NECAB3: variants seen among roughly 807,000 people sequenced by gnomAD.
NECAB3 encodes N-terminal EF-hand calcium-binding protein 3.
Under a neutral mutation model 57.2 loss-of-function variants are expected in NECAB3, and 38 were observed. The observed-to-expected ratio is 0.66, with a 90% CI of 0.51 to 0.87. The LOEUF (loss-of-function observed/expected upper bound fraction) is 0.87, where lower values mean the gene tolerates loss of function less well. NECAB3 is among the 40% of genes least tolerant of loss of function. The probability of loss-of-function intolerance (pLI) is 0.00; values close to 1 mark genes in which losing one functional copy is unlikely to be tolerated. For missense variants in NECAB3, 474 were observed against 527.5 expected, an observed-to-expected ratio of 0.90 and a Z score of 0.99; for synonymous variants, 223 against 222.6, an observed-to-expected ratio of 1.00 and a Z score of -0.02.
intron 8 of NECAB3, 35 bp from the exon 9 acceptor site, chr20:33,658,869 G>T (rs747438159): frequency 2.0e-6 from 3 of 1,520,936 alleles, no homozygotes; most frequent in Non-Finnish European, 9.1e-7. Flanking sequence ...CTGGTGCGGG[G>T]CCGGGCACAG....
Position 33,658,048 on chromosome 20 carries a change from G to A in NECAB3, c.1071-15C>T. On this transcript the variant is annotated splice_polypyrimidine_tract_variant and intron_variant, in intron 10 of 11. Transcript: ENST00000246190. ...ACTGCTGGTGCCTGCAGAGACCCAG[G>A]CTACAGTGACCTCGCTCTCCCCACT... The A allele has an allele frequency of 6.5e-7, 1 of 1,549,254 alleles. No individual in the cohort carries two copies. The highest frequency in any genetic ancestry group is 8.7e-7 in the Non-Finnish European group (1 of 1,146,292).
intron 10 of NECAB3, 28 bp downstream of exon 10, chr20:33,658,449 G>C (rs1485940148): frequency 1.2e-6 from 2 of 1,606,178 alleles, no homozygotes; most frequent in East Asian, 2.2e-5. Context: ...ACATTCCATG[G>C]TGTTAGCGGC....
intron 5 of NECAB3, chr20:33,667,383 GGTGTGCCCAGAGCA>G: frequency 1.5e-6 from 2 of 1,307,644 alleles, no homozygotes; most frequent in Non-Finnish European, 2.0e-6. Context: ...GCGGCCTGCG[GGTGTGCCCAGAGCA>G]GTGGCCCGTG....
chr20:33,672,474 G>C (rs1426410361), intron 1 of NECAB3, 52 bp from the exon 2 acceptor site: 1 of 1,610,988 alleles, frequency 6.2e-7, no homozygotes, highest in South Asian at 1.1e-5. Context: ...TGGGAAGCCA[G>C]AGGCCCCCAC....
At chr20:33,666,450 A>G (rs1433341038) in intron 5 of NECAB3, 1 of 152,282 alleles carries the variant, frequency 6.6e-6, no homozygotes, top group Non-Finnish European at 1.5e-5. Flanking sequence ...AATGAGCCCA[A>G]TCCAAGTTCT....
In NECAB3 at chr20:33,660,523, A is replaced by AG. The variant is rs2017438995; in HGVS notation, c.388-129dup. On this transcript the variant is annotated intron_variant, in intron 5 of 11. Transcript: ENST00000246190. The surrounding 1 kb of genome is among the most constrained non-coding windows in gnomAD (Gnocchi z 4.1). ...GAGCAGGGGCACGCAAACCTGGCAC[A>AG]GGCAGGAGGGTACTGAGACCTGATG... 7.9e-7 allele frequency: 1 copy of AG among 1,265,718 alleles called. No individual in the cohort carries two copies. The highest frequency in any genetic ancestry group is 1.1e-6 in the Non-Finnish European group (1 of 918,562). The allele number at this position is 1,265,718 out of a possible 1,614,324, so 78.4% of individuals were successfully genotyped here. A position where few individuals can be genotyped will look rare whatever the true frequency, so the allele number is the denominator to read the frequency against.
chr20:33,659,711 A>C lies in NECAB3; in HGVS notation c.665T>G (p.Met222Arg). Residue 222 changes from methionine (M) to arginine (R), a missense_variant, in exon 8 of 12, where the codon ATG becomes AGG. Met to Arg is a moderately conservative substitution (Grantham distance 91, BLOSUM62 -1). Coordinates refer to ENST00000246190, the MANE Select transcript of NECAB3 (RefSeq NM_031232.4). ...SDTGRSSEAEMQWRLQVNRLQ... is the reference protein window; with the variant it reads ...SDTGRSSEAERQWRLQVNRLQ... ...GCGGTTCACCTGGAGCCGCCACTGC[A>C]TCTCGGCCTCTGAGCTGCGCCCTGT... 6.2e-7 allele frequency: 1 copy of C among 1,605,488 alleles called. No individual in the cohort carries two copies. The highest frequency in any genetic ancestry group is 8.5e-7 in the Non-Finnish European group (1 of 1,178,358).
chr20:33,668,820 G>T (rs975978045), intron 5 of NECAB3, among the ~76,000 whole-genome samples: 2 of 152,264 alleles, frequency 1.3e-5, no homozygotes, highest in African/African-American at 4.8e-5. Flanking sequence ...ACAAAGGGAA[G>T]GGCAGCTTAT....
At chr20:33,658,967 C>A (rs1367329539) in intron 8 of NECAB3, 133 bp from the exon 9 acceptor site, 9 of 660,964 alleles carry the variant, frequency 1.4e-5, no homozygotes, top group Admixed American at 2.3e-5. Context: ...CTCACCCAGG[C>A]TGGAGTGCAG....
chr20:33,663,768 G>T, intron 5 of NECAB3: 1 of 1,442,132 alleles, frequency 6.9e-7, no homozygotes, highest in East Asian at 2.9e-5. Flanking sequence ...GGCCGCGGCT[G>T]CTCTCGCGCT....
In NECAB3 at chr20:33,668,060, G is replaced by C. The variant is rs373830306; in HGVS notation, c.387+1315C>G. 1.7e-4 allele frequency: 269 copies of C among 1,568,270 alleles called. 3 individuals are homozygous for C. The East Asian group carries it at 4.6e-3, about 27-fold the overall frequency. On this transcript the variant is annotated intron_variant, in intron 5 of 11. Transcript: ENST00000246190. ...GACAAGGAGCTGGAGGCGCAGTGCC[G>C]GCGGCACGGCTACGCGGCCCTGCGG...
chr20:33,658,748 G>A lies in NECAB3; in HGVS notation c.966C>T (p.Phe322=). Residue 322 remains phenylalanine, a synonymous_variant, in exon 9 of 12, where the codon TTC becomes TTT. Coordinates refer to ENST00000246190, the MANE Select transcript of NECAB3 (RefSeq NM_031232.4). ...GCAGACAATGGCTCTGGGCCCCTGTGAAGTCCACATAGCAGCGCAGGGCTC... is the reference window on the plus strand; with the variant it reads ...GCAGACAATGGCTCTGGGCCCCTGTAAAGTCCACATAGCAGCGCAGGGCTC... The part of the protein sequence containing the change: ...FHRALRCYVD[F]TGAQSHCLHV... 6.2e-7 allele frequency: 1 copy of A among 1,613,712 alleles called. No homozygotes were observed. Among genetic ancestry groups the A allele is most frequent in the Non-Finnish European group, 8.5e-7 (1 of 1,179,944 alleles).
intron 3 of NECAB3, 148 bp downstream of exon 3, chr20:33,670,536 G>A (rs2017807526): frequency 1.8e-6 from 1 of 559,756 alleles, no homozygotes; most frequent in South Asian, 2.4e-5. Flanking sequence ...GAGGGGGTAG[G>A]CAGGCGGGTA....
intron 5 of NECAB3, chr20:33,667,552 G>C: frequency 1.3e-6 from 2 of 1,552,328 alleles, no homozygotes; most frequent in Non-Finnish European, 1.7e-6. Flanking sequence ...CAGCGGGCTG[G>C]CCGTGGAGGC....
At chr20:33,661,815 TA>T (rs2017483906) in intron 5 of NECAB3, among the ~76,000 whole-genome samples, 2 of 152,156 alleles carry the variant, frequency 1.3e-5, no homozygotes, top group Admixed American at 6.5e-5. Context: ...CACACCTGGC[TA>T]ATGTTTGTAT....
chr20:33,667,654 T>C (rs778558296), intron 5 of NECAB3: 1 of 1,609,876 alleles, frequency 6.2e-7, no homozygotes. Context: ...CAGCACCCTG[T>C]CGCGCTACCT....
chr20:33,661,542 A>C (rs1053815736), intron 5 of NECAB3, among the ~76,000 whole-genome samples: 1 of 152,228 alleles, frequency 6.6e-6, no homozygotes, highest in African/African-American at 2.4e-5. Flanking sequence ...AAATCTTCCC[A>C]AAAAATTCCT....
rs1174770146 is a variant in NECAB3, at chr20:33,669,403, A to C, written c.359T>G (p.Val120Gly). ...CTTGGTGGCATCCATGGCAGCGAGC[A>C]CTGCACGGTTCAGCGATTCCAATGC... is the stretch of plus-strand genomic sequence containing the variant. Reference protein sequence around the residue: ...LAALESLNRAVLAAMDATKLE... With the variant: ...LAALESLNRAGLAAMDATKLE... Residue 120 changes from valine (V) to glycine (G), a missense_variant, in exon 5 of 12, where the codon GTG (valine) becomes GGG (glycine). Transcript: ENST00000246190. The C allele has an allele frequency of 1.9e-6, 3 of 1,613,456 alleles. No individual in the cohort carries two copies. The highest frequency in any genetic ancestry group is 4.5e-5 in the East Asian group (2 of 44,894).
At chr20:33,667,698 C>T (rs760711953) in intron 5 of NECAB3, 2 of 1,612,170 alleles carry the variant, frequency 1.2e-6, no homozygotes, top group Admixed American at 1.7e-5. Flanking sequence ...ACCCTGACCT[C>T]TTGCAGCAGG....
Sources: gnomAD v4.1 joint callset for allele counts (sites outside exome capture counted in the v4.1 genomes callset) on GRCh38, gnomAD v4.1.1 for gene constraint, Gnocchi (gnomAD v3.1) non-coding constraint, MANE v1.5 for transcripts, NCBI Gene and HGNC (gene_info 2026-07-23, HGNC 2026-07-21) for gene names.